Variants in FBXO4 observed in about 807,000 individuals in gnomAD.
The protein encoded by FBXO4 is F-box protein 4.
A neutral mutation model predicts 43.7 loss-of-function variants in FBXO4; 36 were observed. That is an observed-to-expected ratio of 0.82 (90% confidence interval 0.63 to 1.09). FBXO4 has a LOEUF of 1.09. Ranked by LOEUF, FBXO4 falls within the 50% of genes least tolerant of loss-of-function variation. The pLI, the probability that FBXO4 is intolerant of heterozygous loss-of-function variation, is 0.00. For synonymous variants in FBXO4, 180 were observed against 165.6 expected, an observed-to-expected ratio of 1.09 and a Z score of -0.67; for missense variants, 435 against 474.1, an observed-to-expected ratio of 0.92 and a Z score of 0.77.
At chr5:42,020,240 A>G in the FBXO4 span, among the ~76,000 whole-genome samples, 1 of 152,194 alleles carries the variant, frequency 6.6e-6, no homozygotes, top group Non-Finnish European at 1.5e-5. Flanking sequence ...TTTACGGGAT[A>G]GTAATCTAAA....
the FBXO4 span, among the ~76,000 whole-genome samples, chr5:41,988,044 C>A: frequency 6.6e-6 from 1 of 152,092 alleles, no homozygotes; most frequent in African/African-American, 2.4e-5. Flanking sequence ...GTAATTTTTT[C>A]TTGACAGTCA....
chr5:41,952,294 G>C, the FBXO4 span: 13 of 152,090 alleles, frequency 8.5e-5, no homozygotes, highest in African/African-American at 2.9e-4. Context: ...TGAAAATTTA[G>C]TATATTTAAT....
At chr5:41,945,179 A>T (rs1752060570), downstream of FBXO4, among the ~76,000 whole-genome samples, 1 of 152,228 alleles carries the variant, frequency 6.6e-6, no homozygotes, top group South Asian at 2.1e-4. Flanking sequence ...GTAAGAGACC[A>T]ATCTAAGAAA....
chr5:41,988,982 C>T, the FBXO4 span, among the ~76,000 whole-genome samples: 13 of 152,244 alleles, frequency 8.5e-5, no homozygotes, highest in Middle Eastern at 0.01. Context: ...CCTTCTAAGG[C>T]GCATAAATGC....
chr5:41,946,104 A>T (rs149056766), downstream of FBXO4, among the ~76,000 whole-genome samples: 1 of 152,260 alleles, frequency 6.6e-6, no homozygotes, highest in South Asian at 2.1e-4. Flanking sequence ...TTAATAATAA[A>T]TGCTGGCATA....
chr5:41,944,729 A>G (rs1359664041), downstream of FBXO4, among the ~76,000 whole-genome samples: 1 of 152,220 alleles, frequency 6.6e-6, no homozygotes, highest in Non-Finnish European at 1.5e-5. Context: ...AGGATAACCA[A>G]AACAACAGCA....
the FBXO4 span, among the ~76,000 whole-genome samples, chr5:42,028,426 G>A: frequency 2.0e-5 from 3 of 151,720 alleles, no homozygotes; most frequent in Non-Finnish European, 3.0e-5. Context: ...TATAGGTGAA[G>A]TGTGTTTCTT....
At position 41,934,167 on chromosome 5, in the gene FBXO4, A is replaced by C. The variant is rs927875199; in HGVS notation, c.757A>C (p.Ser253Arg). Residue 253 changes from serine to arginine, a missense_variant, in exon 5 of 7, where the codon AGT (serine) becomes CGT (arginine). Physicochemically the swap from Ser to Arg is moderately radical, Grantham distance 110 (BLOSUM62 -1). Coordinates refer to ENST00000281623, the MANE Select transcript of FBXO4 (RefSeq NM_012176.3). ...ERDRAREEHTSAVNKMFSRHN... is the reference protein window; with the variant it reads ...ERDRAREEHTRAVNKMFSRHN... ...AGATAGAGCAAGGGAAGAGCATACA[A>C]GTGCAGTTAACAAGATGTTCAGTCG... The C allele has an allele frequency of 4.3e-6, 7 of 1,614,104 alleles. No individual in the cohort carries two copies. The highest frequency in any genetic ancestry group is 5.9e-6 in the Non-Finnish European group (7 of 1,180,000).
the FBXO4 span, among the ~76,000 whole-genome samples, chr5:42,006,947 T>C: frequency 1.5e-5 from 2 of 137,154 alleles, no homozygotes; most frequent in East Asian, 3.9e-4. Flanking sequence ...TACATATATA[T>C]ACATGACATA....
At chr5:41,967,054 TA>T in the FBXO4 span, 46 of 262,392 alleles carry the variant, frequency 1.8e-4, no homozygotes, top group East Asian at 7.3e-4. Context: ...GTGGAAAAAA[TA>T]AAAAAAAATC....
chr5:41,959,212 GT>G, the FBXO4 span, among the ~76,000 whole-genome samples: 1 of 152,150 alleles, frequency 6.6e-6, no homozygotes, highest in South Asian at 2.1e-4. Context: ...GTCAGTTCAA[GT>G]TTTTTGCTCA....
chr5:41,944,506 A>G (rs1752048399), downstream of FBXO4, among the ~76,000 whole-genome samples: 2 of 152,218 alleles, frequency 1.3e-5, no homozygotes, highest in Non-Finnish European at 2.9e-5. Context: ...TTGTGAAATT[A>G]TGATTCTTTA....
downstream of FBXO4, among the ~76,000 whole-genome samples, chr5:41,944,099 G>T (rs1752042506): frequency 6.6e-6 from 1 of 152,094 alleles, no homozygotes; most frequent in Admixed American, 6.6e-5. Context: ...TTTCATCATG[G>T]CAGCCCTAGC....
the FBXO4 span, among the ~76,000 whole-genome samples, chr5:42,036,095 C>T: frequency 3.3e-5 from 5 of 152,082 alleles, no homozygotes; most frequent in African/African-American, 4.8e-5. Context: ...TCATATACTC[C>T]TAGTGTTTTT....
chr5:42,012,502 T>C, the FBXO4 span, among the ~76,000 whole-genome samples: 2 of 152,120 alleles, frequency 1.3e-5, no homozygotes, highest in African/African-American at 2.4e-5. Context: ...CTCCCGTAAA[T>C]TGGAGCTCCT....
the FBXO4 span, among the ~76,000 whole-genome samples, chr5:41,954,795 A>T: frequency 6.6e-6 from 1 of 152,218 alleles, no homozygotes; most frequent in Admixed American, 6.5e-5. Flanking sequence ...GTCAGAAATT[A>T]ATTACAGTTG....
the FBXO4 span, among the ~76,000 whole-genome samples, chr5:42,028,378 C>T: frequency 6.6e-6 from 1 of 151,750 alleles, no homozygotes; most frequent in African/African-American, 2.4e-5. Context: ...ATGGAATTAT[C>T]TTTTTCCATC....
downstream of FBXO4, among the ~76,000 whole-genome samples, chr5:41,945,810 T>C (rs1368073069): frequency 6.6e-6 from 1 of 152,222 alleles, no homozygotes; most frequent in East Asian, 1.9e-4. Flanking sequence ...TAACCGGTTG[T>C]CTAGCTTCAC....
At chr5:41,931,716 G>A (rs1461869092) in intron 3 of FBXO4, among the ~76,000 whole-genome samples, 3 of 152,186 alleles carry the variant, frequency 2.0e-5, no homozygotes, top group African/African-American at 7.2e-5. Flanking sequence ...TCGAGATTTG[G>A]GAGTCATACG....
Sources: gnomAD v4.1 joint callset for allele counts (sites outside exome capture counted in the v4.1 genomes callset) on GRCh38, gnomAD v4.1.1 for gene constraint, MANE v1.5 for transcripts, NCBI Gene and HGNC (gene_info 2026-07-23, HGNC 2026-07-21) for gene names.